The following NXT2 variants were observed in gnomAD, a reference collection of about 807,000 sequenced individuals.
NXT2 encodes the protein nuclear transport factor 2 like export factor 2.
NXT2 carries 1 observed loss-of-function variant against 9.6 expected under a neutral mutation model. The ratio of observed to expected loss-of-function variants is 0.10; its 90% CI spans 0.04 to 0.49. The LOEUF is 0.49. Ranked by LOEUF, NXT2 falls within the 20% of genes least tolerant of loss-of-function variation. The pLI is 0.95. For missense variants in NXT2, 48 were observed against 100.3 expected (o/e 0.48, Z 2.23); for synonymous variants, 22 against 35.4 (o/e 0.62, Z 1.34).
At chrX:109,536,256 C>T (rs934942342), upstream of NXT2, among the ~76,000 whole-genome samples, 8 of 112,204 alleles carry the variant, frequency 7.1e-5, no homozygotes, top group Admixed American at 1.9e-4. Context: ...AGTCAGCACT[C>T]GACATTTTAG....
At chrX:109,539,799 T>A (rs1341602343) in intron 2 of NXT2, among the ~76,000 whole-genome samples, 6 of 112,376 alleles carry the variant, frequency 5.3e-5, no homozygotes, top group African/African-American at 1.9e-4. Context: ...GTAGGCTGCC[T>A]GTTCACTCTG....
intron 3 of NXT2, 33 bp downstream of exon 3, chrX:109,541,652 G>T: frequency 2.6e-6 from 3 of 1,136,037 alleles, no homozygotes; most frequent in Non-Finnish European, 2.4e-6. Flanking sequence ...TGCTTCCTTT[G>T]TTTTCCTCTA....
upstream of NXT2, chrX:109,536,639 T>C: frequency 3.9e-6 from 1 of 258,067 alleles, no homozygotes; most frequent in Non-Finnish European, 6.6e-6. Flanking sequence ...GTCCCTGTAA[T>C]TGAACACTTT....
intron 3 of NXT2, 32 bp from the exon 4 acceptor site, chrX:109,542,475 T>A (rs1318616452): frequency 8.9e-7 from 1 of 1,124,864 alleles, no homozygotes; most frequent in Admixed American, 2.6e-5. Context: ...TAGAAAATGA[T>A]GTGTTCTCTT....
intron 3 of NXT2, 45 bp downstream of exon 3, chrX:109,541,664 T>G (rs1215867257): frequency 1.9e-6 from 2 of 1,056,938 alleles, no homozygotes; most frequent in Non-Finnish European, 2.5e-6. Flanking sequence ...TTTCCTCTAG[T>G]AAGCACTGAG....
intron 2 of NXT2, among the ~76,000 whole-genome samples, chrX:109,539,688 A>G (rs891333061): frequency 1.2e-4 from 13 of 110,961 alleles, no homozygotes; most frequent in Non-Finnish European, 2.5e-4. Context: ...GTCTGTTCAT[A>G]TCCTTTGCCC....
chrX:109,537,877 C>A (rs1933320547), intron 1 of NXT2, among the ~76,000 whole-genome samples, 168 bp from the exon 2 acceptor site: 1 of 112,002 alleles, frequency 8.9e-6, no homozygotes, highest in Admixed American at 9.5e-5. Context: ...TTTAAAATTG[C>A]AAACTTCAGA....
intron 2 of NXT2, 37 bp from the exon 3 acceptor site, chrX:109,541,438 A>T (rs1172548291): frequency 8.9e-7 from 1 of 1,122,123 alleles, no homozygotes; most frequent in African/African-American, 1.8e-5. Context: ...CTAGAAACAG[A>T]ATTATTTCCC....
chrX:109,542,419 T>G (rs1933438991), intron 3 of NXT2, 88 bp from the exon 4 acceptor site: 4 of 824,201 alleles, frequency 4.9e-6, no homozygotes, highest in African/African-American at 2.1e-5. Flanking sequence ...TAAGCATTAG[T>G]CCATAAACAA....
chrX:109,536,612 C>T, upstream of NXT2: 2 of 204,486 alleles, frequency 9.8e-6, no homozygotes, highest in Non-Finnish European at 1.8e-5. Flanking sequence ...TTTGGCTCCG[C>T]CTCCTGGGGC....
At chrX:109,542,005 G>C (rs1933428473) in intron 3 of NXT2, among the ~76,000 whole-genome samples, 2 of 111,480 alleles carry the variant, frequency 1.8e-5, no homozygotes, top group Middle Eastern at 4.6e-3. Flanking sequence ...ATATTTCACA[G>C]AAATTTACTC....
At position 109,537,039 on chromosome X, in the gene NXT2, G is replaced by A. The variant is rs374876254; in HGVS notation, c.15+18G>A. 4.7e-5 allele frequency: 57 copies of A among 1,201,079 alleles called. No individual in the cohort carries two copies. The East Asian group carries it at 8.4e-4, about 18-fold the overall frequency. On this transcript the variant is annotated intron_variant, in intron 1 of 3. Transcript: ENST00000372106. ...CGTCTCTGGTGAGTGCCTGGGCCGT[G>A]GCAGGACGGCTGGGCGCCGGACTCC...
Position 109,536,931 on chromosome X carries a change from C to T in NXT2, c.-76C>T. The T allele has an allele frequency of 3.3e-6, 4 of 1,210,817 alleles. No individual in the cohort carries two copies. Among genetic ancestry groups the T allele is most frequent in the East Asian group, 3.0e-5 (1 of 33,769 alleles). ...GCTCTCTTCATAAGTATTGATCATT[C>T]CGCAGCCCTGCGGACCGGACACGTG... On this transcript the variant is annotated 5_prime_UTR_variant, in exon 1 of 4. Coordinates refer to ENST00000372106, the MANE Select transcript of NXT2 (RefSeq NM_001242617.2).
Position 109,536,877 on chromosome X carries a change from T to G in NXT2, c.-130T>G. ...CTACTTCCGGGAGAGAATGGGAGGG[T>G]GGAAAATTTTGTGCGTTTGGCGGGT... On this transcript the variant is annotated 5_prime_UTR_variant, in exon 1 of 4. Coordinates refer to ENST00000372106, the MANE Select transcript of NXT2 (RefSeq NM_001242617.2). The G allele has an allele frequency of 8.5e-7, 1 of 1,173,244 alleles. No individual in the cohort carries two copies. The highest frequency in any genetic ancestry group is 3.1e-5 in the East Asian group (1 of 31,817).
Position 109,541,507 on chromosome X carries a change from C to T in NXT2, c.135C>T (p.Thr45=). The T allele has an allele frequency of 8.3e-7, 1 of 1,207,162 alleles. No individual in the cohort carries two copies. Among genetic ancestry groups the T allele is most frequent in the Middle Eastern group, 2.3e-4 (1 of 4,336 alleles). ...ALTRLYLDKA[T]LIWNGNAVSG... Reference sequence around the variant, plus strand: ...CCAGGCTGTATCTGGACAAGGCCACCTTAATATGGAATGGAAATGCTGTTT... The same window carrying T: ...CCAGGCTGTATCTGGACAAGGCCACTTTAATATGGAATGGAAATGCTGTTT... Residue 45 remains threonine (T), a synonymous_variant, in exon 3 of 4, where the codon ACC becomes ACT. Transcript: ENST00000372106.
chrX:109,542,845 G>T lies in NXT2; in HGVS notation c.*157G>T, dbSNP rs1306489724. 3.0e-5 allele frequency: 12 copies of T among 399,336 alleles called. No individual in the cohort carries two copies. The highest frequency in any genetic ancestry group is 4.7e-5 in the Non-Finnish European group (11 of 236,355). The allele number at this position is 399,336 out of a possible 1,213,427, so 32.9% of individuals were successfully genotyped here. On this transcript the variant is annotated 3_prime_UTR_variant, in exon 4 of 4. Coordinates refer to ENST00000372106, the MANE Select transcript of NXT2 (RefSeq NM_001242617.2). The stretch of plus-strand genomic sequence containing the variant: ...ACCTTTTCTAGCAGCTGCCAGTTTG[G>T]AGCATTGCCCTCTAAGAGCTTTAAA...
chrX:109,540,874 C>A (rs1287422759), intron 2 of NXT2, among the ~76,000 whole-genome samples: 1 of 111,562 alleles, frequency 9.0e-6, no homozygotes, highest in Non-Finnish European at 1.9e-5. Context: ...ATTTCTTGAC[C>A]CCAAGAGTTT....
chrX:109,537,164 G>A, intron 1 of NXT2, 143 bp downstream of exon 1: 2 of 1,062,020 alleles, frequency 1.9e-6, no homozygotes, highest in African/African-American at 3.8e-5. Flanking sequence ...CGGGGCCCAC[G>A]CTTTGCTGCC....
intron 1 of NXT2, chrX:109,537,380 A>G (rs1240094891): frequency 1.2e-6 from 1 of 813,502 alleles, no homozygotes; most frequent in Non-Finnish European, 1.5e-6. Flanking sequence ...TAATTTAGTA[A>G]TAGACTGGGC....
Sources: gnomAD v4.1 joint callset for allele counts (sites outside exome capture counted in the v4.1 genomes callset) on GRCh38, gnomAD v4.1.1 for gene constraint, MANE v1.5 for transcripts, NCBI Gene and HGNC (gene_info 2026-07-23, HGNC 2026-07-21) for gene names.